TRIM46: variants seen among roughly 807,000 people sequenced by gnomAD.
TRIM46 encodes tripartite motif-containing protein 46.
TRIM46 carries 17 observed loss-of-function variants against 69.7 expected under a neutral mutation model. That is an observed-to-expected ratio of 0.24 (90% confidence interval 0.17 to 0.37). The LOEUF is 0.37. Ranked by LOEUF, TRIM46 falls within the 10% of genes least tolerant of loss-of-function variation. The pLI is 1.00. For missense variants in TRIM46, 675 were observed against 1,025.1 expected (o/e 0.66, Z 4.66); for synonymous variants, 391 against 429.0 (o/e 0.91, Z 1.09).
At chr1:155,178,739 T>TTGGGGGCCCCCCCCCCCC in intron 7 of TRIM46, 126 bp downstream of exon 7, 4 of 1,348,472 alleles carry the variant, frequency 3.0e-6, no homozygotes, top group Non-Finnish European at 3.1e-6. Flanking sequence ...CAGCCATTCC[T>TTGGGGGCCCCCCCCCCCC]CCCACCCAGC....
In TRIM46 at chr1:155,176,246, C is replaced by T; in HGVS notation, c.669+15C>T. On this transcript the variant is annotated intron_variant, in intron 3 of 9. Transcript: ENST00000334634. ...TCCGACCCAAGGTGAGCCAGCCCTT[C>T]CAAGGCCTGGGGAGGGAGGGACATG... 2 of 1,582,786 alleles carry T rather than the reference C, an allele frequency of 1.3e-6. No individual in the cohort carries two copies. Among genetic ancestry groups the T allele is most frequent in the South Asian group, 2.2e-5 (2 of 89,518 alleles).
At position 155,181,140 on chromosome 1, in the gene TRIM46, TGAGGCAGGAGAATGGCTTGAACCTGG is replaced by T. The variant is rs1451191279; in HGVS notation, c.1589-703_1589-678del. 2.0e-5 allele frequency among the ~76,000 whole-genome samples: 3 copies of T among 152,112 alleles called. No individual in the cohort carries two copies. The highest frequency in any genetic ancestry group is 4.4e-5 in the Non-Finnish European group (3 of 68,018). On this transcript the variant is annotated intron_variant, in intron 8 of 9. Coordinates refer to ENST00000334634, the MANE Select transcript of TRIM46 (RefSeq NM_025058.5). The surrounding 1 kb of genome is among the most constrained non-coding windows in gnomAD (Gnocchi z 4.3). ...CTGTAATCCCAGCTACTTGGAAGGC[TGAGGCAGGAGAATGGCTTGAACCTGG>T]GAGGCAGGGGTTGCAGTGAGCCAAG...
chr1:155,180,474 A>G, intron 8 of TRIM46: 1 of 430,006 alleles, frequency 2.3e-6, no homozygotes. Context: ...GCGTGCCTAC[A>G]ATTCCAGCTA....
chr1:155,177,424 C>T, intron 5 of TRIM46, 134 bp downstream of exon 5: 4 of 751,752 alleles, frequency 5.3e-6, no homozygotes, highest in Non-Finnish European at 9.1e-6. Flanking sequence ...CTGGTTAAAC[C>T]AGGTTTGCAG....
intron 3 of TRIM46, among the ~76,000 whole-genome samples, chr1:155,176,716 G>T (rs180817012): frequency 6.6e-6 from 1 of 152,324 alleles, no homozygotes; most frequent in East Asian, 1.9e-4. Flanking sequence ...AGAGATGAAG[G>T]GAGGTGCAAT....
At chr1:155,182,741 G>T (rs906235307) in intron 9 of TRIM46, 1 of 152,022 alleles carries the variant, frequency 6.6e-6, no homozygotes, top group African/African-American at 2.4e-5. Flanking sequence ...TACTCGTGAG[G>T]CTGAGGCAGG....
At chr1:155,180,330 C>T (rs1211715425) in intron 8 of TRIM46, 3 of 310,114 alleles carry the variant, frequency 9.7e-6, no homozygotes, top group African/African-American at 2.2e-5. Context: ...GGCGAGGTAG[C>T]TCATGCCTGT....
In TRIM46 at chr1:155,184,148, T is replaced by G. The variant is rs1666379243; in HGVS notation, c.2238T>G (p.Pro746=). ...VQLQEPVGTK[P]ERKVTIGGFA... ...TCCAGGAGCCAGTGGGCACTAAGCCTGAGAGGAAAGTCACCATTGGGGGCT... is the reference window on the plus strand; with the variant it reads ...TCCAGGAGCCAGTGGGCACTAAGCCGGAGAGGAAAGTCACCATTGGGGGCT... The change falls in exon 10 of 10, where the codon CCT becomes CCG. Residue 746 remains proline (P), a synonymous_variant. Coordinates refer to ENST00000334634, the MANE Select transcript of TRIM46 (RefSeq NM_025058.5). This position sits in a 1 kb window ranked among gnomAD's most constrained non-coding sequence, Gnocchi z 5.6. 2 of 1,613,346 alleles carry G rather than the reference T, an allele frequency of 1.2e-6. No individual in the cohort carries two copies.
At chr1:155,183,283 C>T (rs1041328772) in intron 9 of TRIM46, among the ~76,000 whole-genome samples, 1 of 151,984 alleles carries the variant, frequency 6.6e-6, no homozygotes, top group Non-Finnish European at 1.5e-5. Flanking sequence ...TATCCCCCAA[C>T]ACCTTATTTC....
intron 7 of TRIM46, 21 bp from the exon 8 acceptor site, chr1:155,179,611 A>G: frequency 6.4e-7 from 1 of 1,568,136 alleles, no homozygotes; most frequent in Non-Finnish European, 8.7e-7. Flanking sequence ...CCTGACTGAC[A>G]CCCGCTGTCT....
chr1:155,180,797 C>T (rs1305410896), intron 8 of TRIM46, among the ~76,000 whole-genome samples: 8 of 151,948 alleles, frequency 5.3e-5, no homozygotes. Flanking sequence ...GTAATCCCAG[C>T]TACTTGGGAG....
chr1:155,177,134 C>T, intron 4 of TRIM46, 59 bp downstream of exon 4: 1 of 1,613,994 alleles, frequency 6.2e-7, no homozygotes, highest in Non-Finnish European at 8.5e-7. Flanking sequence ...TCTTGCACCT[C>T]CTCCCAACTG....
chr1:155,180,923 A>G (rs1571754597), intron 8 of TRIM46, among the ~76,000 whole-genome samples: 1 of 150,850 alleles, frequency 6.6e-6, no homozygotes, highest in African/African-American at 2.4e-5. Flanking sequence ...TAAATAAGTA[A>G]ATAAAATACG....
In TRIM46 at chr1:155,184,291, TCTC is replaced by T; in HGVS notation, c.*104_*106del. ...CCCCCTGGCAGCTTCTCCCCCAAAC[TCTC>T]CTACCATGTGGCCCTGCTCCTTCTC... On this transcript the variant is annotated 3_prime_UTR_variant, in exon 10 of 10. Transcript: ENST00000334634. The surrounding 1 kb of genome is among the most constrained non-coding windows in gnomAD (Gnocchi z 5.6). The T allele has an allele frequency of 7.8e-7, 1 of 1,276,054 alleles. No homozygotes were observed. The highest frequency in any genetic ancestry group is 1.6e-5 in the South Asian group (1 of 63,988). The allele number at this position is 1,276,054 out of a possible 1,614,324, so 79.0% of individuals were successfully genotyped here.
In TRIM46 at chr1:155,176,214, C is replaced by A. The variant is rs752841641; in HGVS notation, c.652C>A (p.Leu218Ile). Residue 218 changes from leucine (L) to isoleucine (I), a missense_variant, in exon 3 of 10, where the codon CTC becomes ATC. Transcript: ENST00000334634. ...KAQHEPTLPTLSFRPKGLMCP... is the reference protein window; with the variant it reads ...KAQHEPTLPTISFRPKGLMCP... ...CCAGCATGAGCCCACCCTGCCTACC[C>A]TCTCCTTCCGACCCAAGGTGAGCCA... is the stretch of plus-strand genomic sequence containing the variant. 1.7e-5 allele frequency: 28 copies of A among 1,604,768 alleles called. No homozygotes were observed. Among genetic ancestry groups the A allele is most frequent in the Non-Finnish European group, 2.3e-5 (27 of 1,177,922 alleles).
rs534143578 is a variant in TRIM46 at position 155,174,510 on chromosome 1, A to T, written c.63+481A>T. 593 of 1,434,212 alleles carry T rather than the reference A, an allele frequency of 4.1e-4. 1 individual carries two copies. The African/African-American group carries it at 8.0e-3, about 19-fold the overall frequency. 88.8% of individuals were successfully genotyped at this position (1,434,212 alleles called of 1,614,324 possible). The stretch of plus-strand genomic sequence containing the variant: ...TTCCGAGCCTGCGGTTGTCATGGCA[A>T]CCCGTGCCTGGCTCTCCCAGGGGCG... On this transcript the variant is annotated intron_variant, in intron 1 of 9. Transcript: ENST00000334634.
At chr1:155,176,351 A>G in intron 3 of TRIM46, 120 bp downstream of exon 3, 1 of 898,044 alleles carries the variant, frequency 1.1e-6, no homozygotes, top group Non-Finnish European at 1.6e-6. Flanking sequence ...CTAAGCACCT[A>G]TCTCTGTAAT....
chr1:155,178,403 C>T (rs984002287), intron 6 of TRIM46, 89 bp from the exon 7 acceptor site: 3 of 1,594,682 alleles, frequency 1.9e-6, no homozygotes, highest in Middle Eastern at 3.3e-4. Context: ...AAAGCAGTTC[C>T]CAAGGCTCTA....
chr1:155,183,913 G>A lies in TRIM46; in HGVS notation c.2003G>A (p.Ser668Asn), dbSNP rs1321298240. The change falls in exon 10 of 10, where the codon AGC (serine) becomes AAC (asparagine). Residue 668 changes from serine to asparagine, a missense_variant. Coordinates refer to ENST00000334634, the MANE Select transcript of TRIM46 (RefSeq NM_025058.5). ...AAGATCCTGCTGGGGTCGGGGGCAAGCTCAAACGCAGGGCTGACAGGGAGG... is the reference window on the plus strand; with the variant it reads ...AAGATCCTGCTGGGGTCGGGGGCAAACTCAAACGCAGGGCTGACAGGGAGG... ...MGKILLGSGA[S>N]SNAGLTGRDG... is the part of the protein sequence containing the mutation. The A allele has an allele frequency of 7.4e-6, 12 of 1,613,822 alleles. No homozygotes were observed. The highest frequency in any genetic ancestry group is 8.5e-6 in the Non-Finnish European group (10 of 1,180,046).
Sources: allele counts gnomAD v4.1 joint callset (sites outside exome capture counted in the v4.1 genomes callset), GRCh38; gene constraint gnomAD v4.1.1; non-coding constraint Gnocchi (gnomAD v3.1); transcripts MANE v1.5; gene names NCBI Gene and HGNC (gene_info 2026-07-23, HGNC 2026-07-21).